The following ECT2L variants were observed in gnomAD, a reference collection of about 807,000 sequenced individuals.
ECT2L encodes the protein epithelial cell transforming 2 like.
In ECT2L, 126 loss-of-function variants were observed where a neutral mutation model predicts 122.8. The ratio of observed to expected loss-of-function variants is 1.03; its 90% confidence interval spans 0.89 to 1.19. The LOEUF (loss-of-function observed/expected upper bound fraction) is 1.19. Among genes scored for constraint, ECT2L ranks in the 50% most tolerant of loss-of-function variants. ECT2L has a pLI of 0.00. For synonymous variants in ECT2L, 385 were observed against 381.8 expected (o/e 1.01, Z -0.10); for missense variants, 1,012 against 1,064.1 (o/e 0.95, Z 0.68).
chr6:138,879,616 G>A (rs139538709), intron 14 of ECT2L, among the ~76,000 whole-genome samples: 2 of 152,206 alleles, frequency 1.3e-5, no homozygotes, highest in Admixed American at 6.5e-5. Flanking sequence ...ATCAGGGTAT[G>A]GAATTTCTTT....
At chr6:138,892,888 C>G (rs921451768) in intron 20 of ECT2L, among the ~76,000 whole-genome samples, 1 of 152,160 alleles carries the variant, frequency 6.6e-6, no homozygotes, top group Non-Finnish European at 1.5e-5. Flanking sequence ...GTTTACCTGG[C>G]TGGGAGTTAG....
At chr6:138,889,422 C>A (rs1015912029) in intron 20 of ECT2L, among the ~76,000 whole-genome samples, 1 of 152,018 alleles carries the variant, frequency 6.6e-6, no homozygotes, top group Non-Finnish European at 1.5e-5. Flanking sequence ...CGCCTCCAAG[C>A]TATTCTCCTG....
chr6:138,899,198 G>A (rs1779314668), intron 20 of ECT2L, among the ~76,000 whole-genome samples: 1 of 151,928 alleles, frequency 6.6e-6, no homozygotes, highest in African/African-American at 2.4e-5. Context: ...AAAAAAGGAG[G>A]GGACCCAAGC....
Position 138,838,556 on chromosome 6 carries a change from G to GCTGTAAT in ECT2L, c.342+50_342+56dup, listed in dbSNP as rs1776927186. 4 of 1,571,278 alleles carry GCTGTAAT rather than the reference G, an allele frequency of 2.5e-6. No individual in the cohort carries two copies. The South Asian group carries it at 4.9e-5, about 19-fold the overall frequency. The stretch of plus-strand genomic sequence containing the variant: ...TTCCTAGTAATAGGGCACAAGTACA[G>GCTGTAAT]CTGTAATCTGTAATGAGGCTACTGG... On this transcript the variant is annotated intron_variant, in intron 5 of 21. Coordinates refer to ENST00000541398, the MANE Select transcript of ECT2L (RefSeq NM_001077706.3).
chr6:138,842,640 CG>C (rs1490751056), intron 5 of ECT2L, among the ~76,000 whole-genome samples: 1 of 151,762 alleles, frequency 6.6e-6, no homozygotes, highest in Non-Finnish European at 1.5e-5. Context: ...GGCGTGGTGG[CG>C]GGTGCCTGTA....
At chr6:138,865,235 G>C (rs536077636) in intron 12 of ECT2L, 57 bp downstream of exon 12, 2 of 1,487,550 alleles carry the variant, frequency 1.3e-6, no homozygotes, top group South Asian at 1.4e-5. Flanking sequence ...TTCATATCCC[G>C]AGTAAATACA....
chr6:138,875,444 T>TGGTA (rs1193516121), intron 13 of ECT2L, among the ~76,000 whole-genome samples: 2 of 152,272 alleles, frequency 1.3e-5, no homozygotes, highest in African/African-American at 4.8e-5. Context: ...GGGTTGCCAT[T>TGGTA]GGTAGTTTTG....
intron 4 of ECT2L, among the ~76,000 whole-genome samples, chr6:138,815,510 G>A (rs1776039282): frequency 6.6e-6 from 1 of 152,194 alleles, no homozygotes; most frequent in African/African-American, 2.4e-5. Flanking sequence ...ATGTTAGTCT[G>A]GAGGATTTCT....
chr6:138,895,519 C>G (rs1305153428), intron 20 of ECT2L, among the ~76,000 whole-genome samples: 1 of 152,028 alleles, frequency 6.6e-6, no homozygotes, highest in Non-Finnish European at 1.5e-5. Context: ...GTGAACCAAG[C>G]CTTCCTCATA....
At chr6:138,811,277 C>T (rs1458675376) in intron 1 of ECT2L, among the ~76,000 whole-genome samples, 3 of 152,226 alleles carry the variant, frequency 2.0e-5, no homozygotes, top group African/African-American at 7.2e-5. Flanking sequence ...GCACTGCAGT[C>T]TTCAGTCCAA....
At chr6:138,824,755 C>T (rs959701056) in intron 4 of ECT2L, among the ~76,000 whole-genome samples, 3 of 152,050 alleles carry the variant, frequency 2.0e-5, no homozygotes, top group African/African-American at 7.2e-5. Context: ...TGGGGAGATT[C>T]TCGCCGTACC....
Position 138,849,315 on chromosome 6 carries a change from A to G in ECT2L, c.950A>G (p.Glu317Gly), listed in dbSNP as rs1002197335. 1.2e-6 allele frequency: 2 copies of G among 1,613,966 alleles called. No homozygotes were observed. The highest frequency in any genetic ancestry group is 1.7e-6 in the Non-Finnish European group (2 of 1,179,960). ...VKAGVVSVVY[E>G]HSVTLESLLY... Reference sequence around the variant, plus strand: ...GCTGGTGTTGTTTCTGTGGTATATGAACACAGCGTAACCTTGGAAAGCCTT... The same window carrying G: ...GCTGGTGTTGTTTCTGTGGTATATGGACACAGCGTAACCTTGGAAAGCCTT... The change falls in exon 9 of 22, where the codon GAA (glutamate) becomes GGA (glycine). Residue 317 changes from glutamate to glycine, a missense_variant. Transcript: ENST00000541398.
intron 1 of ECT2L, among the ~76,000 whole-genome samples, chr6:138,806,033 C>G (rs1775699778): frequency 6.6e-6 from 1 of 152,208 alleles, no homozygotes; most frequent in African/African-American, 2.4e-5. Flanking sequence ...TTATTTCATA[C>G]CAAGACACCA....
At chr6:138,814,870 A>G (rs1776017702) in intron 4 of ECT2L, among the ~76,000 whole-genome samples, 1 of 152,226 alleles carries the variant, frequency 6.6e-6, no homozygotes, top group African/African-American at 2.4e-5. Flanking sequence ...TGAATTTTTA[A>G]CATTCTCTTA....
chr6:138,825,287 AATACAT>A (rs1323819353), intron 4 of ECT2L, among the ~76,000 whole-genome samples: 1 of 152,202 alleles, frequency 6.6e-6, no homozygotes, highest in Non-Finnish European at 1.5e-5. Context: ...AGCATTAGAA[AATACAT>A]ATAATGCCGA....
intron 4 of ECT2L, among the ~76,000 whole-genome samples, chr6:138,833,758 C>T (rs989112746): frequency 2.4e-4 from 37 of 151,986 alleles, no homozygotes; most frequent in African/African-American, 8.2e-4. Flanking sequence ...GCAGAGATCA[C>T]GCCACAGTAC....
At chr6:138,901,882 C>T (rs538592444) in intron 21 of ECT2L, among the ~76,000 whole-genome samples, 62 of 152,140 alleles carry the variant, frequency 4.1e-4, no homozygotes, top group Non-Finnish European at 7.6e-4. Context: ...AATAAAAGGG[C>T]TATTTCCCAG....
chr6:138,848,837 A>G (rs1777324125), intron 8 of ECT2L, among the ~76,000 whole-genome samples: 1 of 152,194 alleles, frequency 6.6e-6, no homozygotes, highest in South Asian at 2.1e-4. Flanking sequence ...TATTTTTTGT[A>G]GAGACAGGGG....
At chr6:138,889,509 G>A (rs1771015114) in intron 20 of ECT2L, among the ~76,000 whole-genome samples, 1 of 151,968 alleles carries the variant, frequency 6.6e-6, no homozygotes, top group Admixed American at 6.6e-5. Context: ...TAGTAGTGAT[G>A]GGGTTTCACC....
Sources: allele counts gnomAD v4.1 joint callset (sites outside exome capture counted in the v4.1 genomes callset), GRCh38; gene constraint gnomAD v4.1.1; transcripts MANE v1.5; gene names NCBI Gene and HGNC (gene_info 2026-07-23, HGNC 2026-07-21).